The following CENPU variants were observed in gnomAD, a reference collection of about 807,000 sequenced individuals.
CENPU encodes the protein KSHV latent nuclear antigen interacting protein 1.
In CENPU, 46 loss-of-function variants were observed where a neutral mutation model predicts 56.7. The ratio of observed to expected loss-of-function variants is 0.81; its 90% confidence interval spans 0.64 to 1.04. The LOEUF is 1.04. Among genes scored for constraint, CENPU ranks in the 50% least tolerant of loss-of-function variants. The probability of loss-of-function intolerance (pLI) is 0.00; values close to 1 mark genes in which losing one functional copy is unlikely to be tolerated. For missense variants in CENPU, 510 were observed against 490.1 expected, an observed-to-expected ratio of 1.04 and a Z score of -0.38; for synonymous variants, 166 against 163.0, an observed-to-expected ratio of 1.02 and a Z score of -0.14.
At chr4:184,696,680 T>A (rs1393402727) in intron 12 of CENPU, among the ~76,000 whole-genome samples, 1 of 143,966 alleles carries the variant, frequency 6.9e-6, no homozygotes, top group Non-Finnish European at 1.5e-5. Flanking sequence ...AAAATATGTA[T>A]ACATTACATA....
chr4:184,718,750 C>T (rs1269936542), intron 4 of CENPU, among the ~76,000 whole-genome samples: 1 of 152,096 alleles, frequency 6.6e-6, no homozygotes, highest in African/African-American at 2.4e-5. Context: ...AGACTGATTG[C>T]CCAGATTGCT....
chr4:184,702,394 T>G lies in CENPU; in HGVS notation c.845A>C (p.Tyr282Ser). The change falls in exon 9 of 13, where the codon TAT (tyrosine) becomes TCT (serine). Residue 282 changes from tyrosine (Y) to serine (S), a missense_variant. Transcript: ENST00000281453. The part of the protein sequence containing the change: ...KVCKAAIATF[Y>S]VNVKEQFIKM... ...GATGAATTGTTCTTTAACATTAACA[T>G]AAAATGTGGCGATGGCTGCCTTACA... 1 of 1,612,268 alleles carries G rather than the reference T, an allele frequency of 6.2e-7. No individual in the cohort carries two copies. The highest frequency in any genetic ancestry group is 8.5e-7 in the Non-Finnish European group (1 of 1,179,528).
rs1445018805 is a variant in CENPU at position 184,698,410 on chromosome 4, T to C, written c.987-607A>G. The C allele has an allele frequency of 2.6e-5, 4 of 152,352 alleles. No homozygotes were observed. In the South Asian group the frequency reaches 8.3e-4, roughly 32 times the overall value. 9.4% of individuals were successfully genotyped at this position (152,352 alleles called of 1,614,324 possible). ...AATTTTGTATTTTGCCAAATAAAGA[T>C]ATAAAACACAATTCTCTAATATAAT... is the stretch of plus-strand genomic sequence containing the variant. On this transcript the variant is annotated intron_variant, in intron 11 of 12. Transcript: ENST00000281453.
Position 184,697,684 on chromosome 4 carries a change from G to C in CENPU, c.1106C>G (p.Ser369Ter), listed in dbSNP as rs1368584591. 6.2e-7 allele frequency: 1 copy of C among 1,612,828 alleles called. No homozygotes were observed. The highest frequency in any genetic ancestry group is 1.7e-5 in the Admixed American group (1 of 59,602). Residue 369 changes from serine to a stop codon, truncating the protein, a stop_gained, in exon 12 of 13, where the codon TCA (serine) becomes TGA (stop). Coordinates refer to ENST00000281453, the MANE Select transcript of CENPU (RefSeq NM_024629.4). LOFTEE classifies it high-confidence loss of function. ...SNLKQLYQDY[S>*]DVQAQEPNVK... ...GTTTGGTTCTTGAGCTTGAACATCT[G>C]AATAATCTTGATAAAGCTGTTTTAA...
chr4:184,725,338 C>T lies in CENPU; in HGVS notation c.215-276G>A, dbSNP rs181090916. On this transcript the variant is annotated intron_variant, in intron 3 of 12. Transcript: ENST00000281453. ...TTTTGGTTTCTGAAACAGGGCCTCA[C>T]TCTGCCGCCCAGCCTGGAGTGCAGT... Among the ~76,000 whole-genome samples, 3 of 152,334 alleles carry T rather than the reference C, an allele frequency of 2.0e-5. No individual in the cohort carries two copies. In the East Asian group the frequency reaches 5.8e-4, roughly 29 times the overall value.
chr4:184,702,360 T>C lies in CENPU; in HGVS notation c.876+3A>G. The C allele has an allele frequency of 1.9e-6, 3 of 1,611,140 alleles. No homozygotes were observed. Among genetic ancestry groups the C allele is most frequent in the Non-Finnish European group, 2.5e-6 (3 of 1,178,904 alleles). Reference sequence around the variant, plus strand: ...ACCAACAAATGCATGTCCGTGAGCTTACCATTTTGATGAATTGTTCTTTAA... The same window carrying C: ...ACCAACAAATGCATGTCCGTGAGCTCACCATTTTGATGAATTGTTCTTTAA... On this transcript the variant is annotated splice_donor_region_variant and intron_variant, in intron 9 of 12. Coordinates refer to ENST00000281453, the MANE Select transcript of CENPU (RefSeq NM_024629.4).
In CENPU at chr4:184,734,047, GC is replaced by G; in HGVS notation, c.15del (p.Arg6GlyfsTer19). 1 of 1,570,626 alleles carries G rather than the reference GC, an allele frequency of 6.4e-7. No homozygotes were observed. On this transcript the variant is annotated frameshift_variant, in exon 1 of 13. Coordinates refer to ENST00000281453, the MANE Select transcript of CENPU (RefSeq NM_024629.4). LOFTEE classifies it high-confidence loss of function. ...GACCTGTGAGGCCGCGGCCGCCGCC[GC>G]CCCCGCGGGGCCATGGTGCCGCTCT... MAPR[G>X]RRRPRPHRSE...
At chr4:184,697,897 G>A (rs919365630) in intron 11 of CENPU, 94 bp from the exon 12 acceptor site, 13 of 904,810 alleles carry the variant, frequency 1.4e-5, no homozygotes, top group Non-Finnish European at 1.8e-5. Context: ...GAAGAACCGG[G>A]GCTGGCCAAC....
At chr4:184,728,075 C>T (rs759342354) in intron 3 of CENPU, among the ~76,000 whole-genome samples, 15 of 152,102 alleles carry the variant, frequency 9.9e-5, no homozygotes, top group Non-Finnish European at 1.9e-4. Context: ...GTTGTACAAC[C>T]TTGTGAATAA....
chr4:184,708,085 G>C (rs1423805504), intron 8 of CENPU, among the ~76,000 whole-genome samples: 1 of 151,880 alleles, frequency 6.6e-6, no homozygotes, highest in Non-Finnish European at 1.5e-5. Flanking sequence ...TTAGCTGGGC[G>C]TGGTGGCGCA....
chr4:184,696,983 C>T (rs767015967), intron 12 of CENPU, among the ~76,000 whole-genome samples: 2 of 146,952 alleles, frequency 1.4e-5, no homozygotes, highest in Non-Finnish European at 1.5e-5. Flanking sequence ...AGGGCTCAAG[C>T]GATCTTGCCA....
At chr4:184,709,736 T>C (rs72703561) in intron 8 of CENPU, among the ~76,000 whole-genome samples, 26,873 of 150,974 alleles carry the variant, frequency 0.18, 2,654 homozygotes, top group African/African-American at 0.26. Flanking sequence ...TATCTAGATC[T>C]AATGATTAGA....
intron 12 of CENPU, 51 bp from the exon 13 acceptor site, chr4:184,695,452 T>C (rs1322570390): frequency 7.7e-7 from 1 of 1,293,408 alleles, no homozygotes; most frequent in Admixed American, 1.7e-5. Flanking sequence ...CATAACCTTG[T>C]CCTTAGATAG....
At chr4:184,733,732 GACTC>G (rs1253721849) in intron 1 of CENPU, among the ~76,000 whole-genome samples, 1 of 152,214 alleles carries the variant, frequency 6.6e-6, no homozygotes, top group Non-Finnish European at 1.5e-5. Context: ...AGCACTTTGA[GACTC>G]ACTACTTTGG....
At position 184,702,185 on chromosome 4, in the gene CENPU, GTTAA is replaced by G. The variant is rs1760557358; in HGVS notation, c.877-53_877-50del. On this transcript the variant is annotated intron_variant, in intron 9 of 12. Coordinates refer to ENST00000281453, the MANE Select transcript of CENPU (RefSeq NM_024629.4). ...TGTACATCAGTTTCCAAAAGTAAAT[GTTAA>G]TTAGTTTCACATGTGTCACATTTAG... The G allele has an allele frequency of 6.3e-6, 9 of 1,424,592 alleles. No individual in the cohort carries two copies. In the East Asian group the frequency reaches 1.6e-4, roughly 25 times the overall value. The allele number at this position is 1,424,592 out of a possible 1,614,324, so 88.2% of individuals were successfully genotyped here. A position where few individuals can be genotyped will look rare whatever the true frequency, so the allele number is the denominator to read the frequency against.
intron 8 of CENPU, among the ~76,000 whole-genome samples, chr4:184,706,399 C>T (rs1042690549): frequency 6.6e-5 from 10 of 152,142 alleles, no homozygotes; most frequent in Non-Finnish European, 8.8e-5. Context: ...CTGCATATGG[C>T]TTGTAATGAT....
intron 3 of CENPU, among the ~76,000 whole-genome samples, chr4:184,728,475 G>C (rs1207796797): frequency 6.6e-6 from 1 of 152,128 alleles, no homozygotes; most frequent in African/African-American, 2.4e-5. Context: ...CCTGGTACTG[G>C]CCTTTTACCT....
chr4:184,719,377 A>G (rs6552807), intron 4 of CENPU, among the ~76,000 whole-genome samples: 25,998 of 152,160 alleles, frequency 0.17, 2,436 homozygotes, highest in African/African-American at 0.24. Flanking sequence ...TTTGCTTTGA[A>G]TTCAGTGCTG....
Position 184,712,919 on chromosome 4 carries a change from C to A in CENPU, c.688+25G>T, listed in dbSNP as rs111872839. On this transcript the variant is annotated intron_variant, in intron 7 of 12. Coordinates refer to ENST00000281453, the MANE Select transcript of CENPU (RefSeq NM_024629.4). ...TCTTATGAAATTCCTGAATGAGTGA[C>A]AAAGTATAAAACATCATTCTCTACC... 8.1e-3 allele frequency: 11,871 copies of A among 1,467,234 alleles called. 800 individuals are homozygous for A. In the African/African-American group the frequency reaches 0.15, roughly 18 times the overall value. 90.9% of individuals were successfully genotyped at this position (1,467,234 alleles called of 1,614,324 possible). A position where few individuals can be genotyped will look rare whatever the true frequency, so the allele number is the denominator to read the frequency against.
Sources: allele counts gnomAD v4.1 joint callset (sites outside exome capture counted in the v4.1 genomes callset), GRCh38; gene constraint gnomAD v4.1.1; transcripts MANE v1.5; gene names NCBI Gene and HGNC (gene_info 2026-07-23, HGNC 2026-07-21).